Variants in COMMD1 observed in about 807,000 individuals in gnomAD.
The protein encoded by COMMD1 is copper metabolism domain containing 1, also known as COMM domain-containing protein 1.
In COMMD1, 10 loss-of-function variants were observed where a neutral mutation model predicts 17.2. That is an observed-to-expected ratio of 0.58 (90% CI 0.36 to 0.99). The LOEUF is 0.99. Ranked by LOEUF, COMMD1 falls within the 50% of genes least tolerant of loss-of-function variation. COMMD1 has a pLI of 0.01. For missense variants in COMMD1, 270 were observed against 231.8 expected, an observed-to-expected ratio of 1.17 and a Z score of -1.07; for synonymous variants, 97 against 91.6, an observed-to-expected ratio of 1.06 and a Z score of -0.34.
intron 1 of COMMD1, among the ~76,000 whole-genome samples, chr2:61,959,117 A>G (rs1425485460): frequency 6.6e-6 from 1 of 152,102 alleles, no homozygotes; most frequent in African/African-American, 2.4e-5. Context: ...GAGTGTTTAC[A>G]TCTCCTTTTG....
intron 2 of COMMD1, among the ~76,000 whole-genome samples, chr2:62,053,308 AT>A (rs1163634546): frequency 6.6e-6 from 1 of 152,042 alleles, no homozygotes; most frequent in Non-Finnish European, 1.5e-5. Flanking sequence ...TTGCTCATAT[AT>A]TTTTGGAGGT....
At chr2:61,952,827 G>T (rs1265093371) in intron 1 of COMMD1, among the ~76,000 whole-genome samples, 2 of 152,196 alleles carry the variant, frequency 1.3e-5, no homozygotes, top group Non-Finnish European at 2.9e-5. Flanking sequence ...TATGCTTTCA[G>T]TTTTCTTAGG....
chr2:62,086,249 C>T (rs1671665561), intron 2 of COMMD1, among the ~76,000 whole-genome samples: 1 of 152,006 alleles, frequency 6.6e-6, no homozygotes, highest in Non-Finnish European at 1.5e-5. Context: ...GTGGCTCAAG[C>T]CTGTAAACCC....
chr2:62,055,004 T>C (rs979453898), intron 2 of COMMD1, among the ~76,000 whole-genome samples: 1 of 152,168 alleles, frequency 6.6e-6, no homozygotes, highest in East Asian at 1.9e-4. Flanking sequence ...CTACTAGCAC[T>C]GGGGAGCGGC....
intron 1 of COMMD1, among the ~76,000 whole-genome samples, chr2:61,917,152 G>A (rs532395267): frequency 6.6e-6 from 1 of 151,982 alleles, no homozygotes; most frequent in African/African-American, 2.4e-5. Context: ...TCAGGAGTTT[G>A]AGACCAGCCT....
chr2:61,953,371 C>CTT (rs58439320), intron 1 of COMMD1, among the ~76,000 whole-genome samples: 21 of 127,130 alleles, frequency 1.7e-4, no homozygotes, highest in Middle Eastern at 5.8e-3. Flanking sequence ...TTTTTCTTTT[C>CTT]TTTTTTTTTT....
chr2:61,930,895 T>C (rs561310578), intron 1 of COMMD1, among the ~76,000 whole-genome samples: 88 of 152,256 alleles, frequency 5.8e-4, no homozygotes, highest in African/African-American at 2.0e-3. Context: ...CTAGGTATGC[T>C]AACTCAGACT....
chr2:61,979,852 T>C (rs1387754711), intron 1 of COMMD1, among the ~76,000 whole-genome samples: 2 of 137,688 alleles, frequency 1.5e-5, no homozygotes, highest in African/African-American at 2.8e-5. Context: ...CACCCACTAA[T>C]GTGTCATCTA....
At chr2:61,990,768 G>A (rs921994259) in intron 1 of COMMD1, among the ~76,000 whole-genome samples, 1 of 151,616 alleles carries the variant, frequency 6.6e-6, no homozygotes, top group East Asian at 1.9e-4. Context: ...CCGCCCCCAT[G>A]AATCAGTTAT....
intron 2 of COMMD1, among the ~76,000 whole-genome samples, chr2:62,020,399 T>G (rs910182323): frequency 6.6e-6 from 1 of 152,226 alleles, no homozygotes; most frequent in African/African-American, 2.4e-5. Flanking sequence ...ACTCTGAGTT[T>G]TCTTTTCTGT....
At chr2:62,044,580 T>A (rs1366148248) in intron 2 of COMMD1, among the ~76,000 whole-genome samples, 2 of 152,244 alleles carry the variant, frequency 1.3e-5, no homozygotes, top group Non-Finnish European at 2.9e-5. Context: ...GCTTCCTGCT[T>A]TTATAAGTAG....
At chr2:62,077,673 TATAA>T (rs748773111) in intron 2 of COMMD1, among the ~76,000 whole-genome samples, 1 of 151,898 alleles carries the variant, frequency 6.6e-6, no homozygotes, top group East Asian at 1.9e-4. Flanking sequence ...TTAAGAGATT[TATAA>T]ATAAATAAAT....
intron 1 of COMMD1, among the ~76,000 whole-genome samples, chr2:61,932,918 C>G (rs1203101445): frequency 6.6e-6 from 1 of 152,192 alleles, no homozygotes; most frequent in Admixed American, 6.5e-5. Context: ...TGCCAACCAG[C>G]TCAGTGGAGG....
chr2:61,985,431 C>G (rs1672081888), intron 1 of COMMD1, among the ~76,000 whole-genome samples: 1 of 152,156 alleles, frequency 6.6e-6, no homozygotes, highest in African/African-American at 2.4e-5. Flanking sequence ...TTCAGCCACT[C>G]TGTGTCTTTT....
chr2:62,067,787 A>G (rs1267961719), intron 2 of COMMD1, among the ~76,000 whole-genome samples: 3 of 152,164 alleles, frequency 2.0e-5, no homozygotes, highest in Admixed American at 1.3e-4. Flanking sequence ...GACACCTGTC[A>G]CTTTGAGGAT....
intron 1 of COMMD1, among the ~76,000 whole-genome samples, chr2:61,955,921 A>G (rs184965617): frequency 1.8e-3 from 272 of 152,286 alleles, no homozygotes; most frequent in African/African-American, 5.5e-3. Flanking sequence ...TCCTGACCTC[A>G]GGTGATCTGC....
intron 1 of COMMD1, among the ~76,000 whole-genome samples, chr2:61,966,870 G>A (rs751303316): frequency 6.6e-6 from 1 of 151,906 alleles, no homozygotes; most frequent in Non-Finnish European, 1.5e-5. Flanking sequence ...AAATAATAAG[G>A]CTTCTATTTA....
At chr2:61,946,570 A>T (rs1270183282) in intron 1 of COMMD1, among the ~76,000 whole-genome samples, 1 of 152,186 alleles carries the variant, frequency 6.6e-6, no homozygotes. Flanking sequence ...TAGTAGTCCA[A>T]GAAATTTAGT....
At chr2:62,053,324 G>A (rs368189003) in intron 2 of COMMD1, among the ~76,000 whole-genome samples, 12 of 152,052 alleles carry the variant, frequency 7.9e-5, no homozygotes, top group African/African-American at 1.2e-4. Flanking sequence ...GGAGGTACTC[G>A]TCGTATTTAT....
Sources: gnomAD v4.1 joint callset for allele counts (sites outside exome capture counted in the v4.1 genomes callset) on GRCh38, gnomAD v4.1.1 for gene constraint, MANE v1.5 for transcripts, NCBI Gene and HGNC (gene_info 2026-07-23, HGNC 2026-07-21) for gene names.